Variants in TNFRSF13B observed in about 807,000 individuals in gnomAD.
The protein encoded by TNFRSF13B is tumor necrosis factor receptor superfamily member 13B.
In TNFRSF13B, 34 loss-of-function variants were observed where a neutral mutation model predicts 24.0. That is an observed-to-expected ratio of 1.41 (90% CI 1.08 to 1.88). The LOEUF is 1.88. TNFRSF13B is among the 40% of genes most tolerant of loss of function. The probability of loss-of-function intolerance (pLI) is 0.00; values close to 1 mark genes in which losing one functional copy is unlikely to be tolerated. For missense variants in TNFRSF13B, 415 were observed against 380.8 expected (o/e 1.09, Z -0.75); for synonymous variants, 173 against 150.3 (o/e 1.15, Z -1.10).
chr17:16,966,428 G>A (rs2087700012), intron 1 of TNFRSF13B, among the ~76,000 whole-genome samples: 1 of 152,164 alleles, frequency 6.6e-6, no homozygotes, highest in South Asian at 2.1e-4. Context: ...TGAGAAAAAT[G>A]GGCAAAGGTC....
intron 3 of TNFRSF13B, chr17:16,941,247 G>C (rs186794314): frequency 1.0e-6 from 1 of 987,860 alleles, no homozygotes; most frequent in East Asian, 1.1e-4. Flanking sequence ...GACACAGAGG[G>C]CCCACTGTGT....
chr17:16,939,681 T>A lies in TNFRSF13B; in HGVS notation c.748A>T (p.Thr250Ser). ...PTQESAVTPG[T>S]PDPTCAGRWG... ...CTTCCAGCACAAGTGGGGTCGGGGGTCCCAGGCGTGACTGCGCTCTCCTGC... is the reference window on the plus strand; with the variant it reads ...CTTCCAGCACAAGTGGGGTCGGGGGACCCAGGCGTGACTGCGCTCTCCTGC... Residue 250 changes from threonine (T) to serine (S), a missense_variant, in exon 5 of 5, where the codon ACC (threonine) becomes TCC (serine). By Grantham distance (58) the Thr-to-Ser change is moderately conservative. Coordinates refer to ENST00000261652, the MANE Select transcript of TNFRSF13B (RefSeq NM_012452.3). 6.2e-7 allele frequency: 1 copy of A among 1,610,050 alleles called. No individual in the cohort carries two copies. The highest frequency in any genetic ancestry group is 8.5e-7 in the Non-Finnish European group (1 of 1,177,266).
At chr17:16,967,376 T>A (rs540097897) in intron 1 of TNFRSF13B, among the ~76,000 whole-genome samples, 10 of 152,168 alleles carry the variant, frequency 6.6e-5, no homozygotes, top group Non-Finnish European at 8.8e-5. Context: ...GCCCTGTTTT[T>A]GTTTTGGAGG....
At chr17:16,948,324 AC>A (rs1002040427) in intron 3 of TNFRSF13B, among the ~76,000 whole-genome samples, 3 of 152,110 alleles carry the variant, frequency 2.0e-5, no homozygotes, top group African/African-American at 7.2e-5. Context: ...CTACACATGT[AC>A]CCCCGGATCT....
chr17:16,952,627 C>T, intron 1 of TNFRSF13B, 44 bp from the exon 2 acceptor site: 1 of 1,613,798 alleles, frequency 6.2e-7, no homozygotes, highest in Non-Finnish European at 8.5e-7. Context: ...GCGGCCACAG[C>T]CCGGCCTCTT....
At chr17:16,968,990 A>G (rs2087724945) in intron 1 of TNFRSF13B, among the ~76,000 whole-genome samples, 1 of 152,222 alleles carries the variant, frequency 6.6e-6, no homozygotes, top group Non-Finnish European at 1.5e-5. Context: ...AATCCAAACC[A>G]CAGTGAGATA....
At chr17:16,941,232 C>T (rs964926094) in intron 3 of TNFRSF13B, 92 of 987,476 alleles carry the variant, frequency 9.3e-5, no homozygotes, top group Non-Finnish European at 1.0e-4. Context: ...AGACATGGGT[C>T]GCACGACACA....
chr17:16,941,949 G>A (rs1352311435), intron 3 of TNFRSF13B, among the ~76,000 whole-genome samples: 1 of 152,072 alleles, frequency 6.6e-6, no homozygotes, highest in Non-Finnish European at 1.5e-5. Context: ...TTAGACCTTC[G>A]TTTCTCTTTA....
rs1597668880 is a variant in TNFRSF13B, at chr17:16,966,101, A to G, written c.61+5914T>C. On this transcript the variant is annotated intron_variant, in intron 1 of 4. Transcript: ENST00000261652. ...AAACCTTGTCTTTACTAGAAATACA[A>G]AAATTAGCTGGGCATGGTGGTGTGC... Among the ~76,000 whole-genome samples the G allele has an allele frequency of 3.9e-5, 6 of 152,236 alleles. No homozygotes were observed. The South Asian group carries it at 1.2e-3, about 32-fold the overall frequency.
At chr17:16,963,891 G>T (rs1056865643) in intron 1 of TNFRSF13B, among the ~76,000 whole-genome samples, 13 of 152,166 alleles carry the variant, frequency 8.5e-5, no homozygotes, top group African/African-American at 2.9e-4. Context: ...CTGCAAACTT[G>T]GGCTGGGGGC....
chr17:16,939,363 G>C lies in TNFRSF13B; in HGVS notation c.*184C>G. 1.2e-5 allele frequency: 8 copies of C among 646,612 alleles called. No homozygotes were observed. The highest frequency in any genetic ancestry group is 5.8e-5 in the South Asian group (2 of 34,512). The allele number at this position is 646,612 out of a possible 1,614,324, so 40.1% of individuals were successfully genotyped here. On this transcript the variant is annotated 3_prime_UTR_variant, in exon 5 of 5. Transcript: ENST00000261652. ...TCCTTCTCTGCCTCTTTCCCTCTCT[G>C]CCTCTCTTCCCCTCTGTCTCTCTCT...
At chr17:16,949,328 A>T (rs1362858283) in intron 2 of TNFRSF13B, among the ~76,000 whole-genome samples, 1 of 152,122 alleles carries the variant, frequency 6.6e-6, no homozygotes, top group African/African-American at 2.4e-5. Context: ...TAAAATTTAG[A>T]TCTGGATTAC....
At chr17:16,971,895 C>G in intron 1 of TNFRSF13B, 120 bp downstream of exon 1, 1 of 988,678 alleles carries the variant, frequency 1.0e-6, no homozygotes, top group African/African-American at 1.6e-5. Flanking sequence ...TGGGACTGCC[C>G]CAGTGTGTGG....
At chr17:16,939,907 C>A in intron 4 of TNFRSF13B, 110 bp from the exon 5 acceptor site, 1 of 1,402,408 alleles carries the variant, frequency 7.1e-7, no homozygotes, top group Non-Finnish European at 9.4e-7. Context: ...AGGGCAATCA[C>A]CAGCGTAGAA....
intron 1 of TNFRSF13B, among the ~76,000 whole-genome samples, chr17:16,963,551 G>GTTTTT (rs1035393701): frequency 6.8e-6 from 1 of 147,680 alleles, no homozygotes; most frequent in African/African-American, 2.7e-5. Flanking sequence ...TTTTGTTTTT[G>GTTTTT]TTTTTTTGGT....
chr17:16,958,827 CAG>C (rs746999198), intron 1 of TNFRSF13B, among the ~76,000 whole-genome samples: 1 of 151,928 alleles, frequency 6.6e-6, no homozygotes, highest in Non-Finnish European at 1.5e-5. Context: ...CAAAAATTGA[CAG>C]AGTTGAAGGG....
rs56153623 is a variant in TNFRSF13B, at chr17:16,939,374, C to T, written c.*173G>A. 264,112 of 738,034 alleles carry T rather than the reference C, an allele frequency of 0.36. 49,862 individuals are homozygous for T. The highest frequency in any genetic ancestry group is 0.56 in the East Asian group (18,327 of 32,698). 45.7% of individuals were successfully genotyped at this position (738,034 alleles called of 1,614,324 possible). On this transcript the variant is annotated 3_prime_UTR_variant, in exon 5 of 5. Coordinates refer to ENST00000261652, the MANE Select transcript of TNFRSF13B (RefSeq NM_012452.3). Reference sequence around the variant, plus strand: ...CTCTTTCCCTCTCTGCCTCTCTTCCCCTCTGTCTCTCTCTCCCTCTGTCTC... The same window carrying T: ...CTCTTTCCCTCTCTGCCTCTCTTCCTCTCTGTCTCTCTCTCCCTCTGTCTC...
At chr17:16,953,233 C>T (rs2087602428) in intron 1 of TNFRSF13B, among the ~76,000 whole-genome samples, 2 of 152,206 alleles carry the variant, frequency 1.3e-5, no homozygotes, top group East Asian at 1.9e-4. Flanking sequence ...GGACACAGCA[C>T]CTGCTCATTA....
chr17:16,963,118 C>A (rs112749775), intron 1 of TNFRSF13B, among the ~76,000 whole-genome samples: 1 of 152,204 alleles, frequency 6.6e-6, no homozygotes, highest in Admixed American at 6.5e-5. Context: ...GGACACCCAG[C>A]GTCCTCCCCT....
Sources: gnomAD v4.1 joint callset for allele counts (sites outside exome capture counted in the v4.1 genomes callset) on GRCh38, gnomAD v4.1.1 for gene constraint, MANE v1.5 for transcripts, NCBI Gene and HGNC (gene_info 2026-07-23, HGNC 2026-07-21) for gene names.